Variants in RELCH observed in about 807,000 individuals in gnomAD.
RELCH encodes RAB11-binding protein RELCH.
In RELCH, 41 loss-of-function variants were observed where a neutral mutation model predicts 150.3. That is an observed-to-expected ratio of 0.27 (90% CI 0.21 to 0.35). RELCH has a LOEUF of 0.35. Among genes scored for constraint, RELCH ranks in the 10% least tolerant of loss-of-function variants. The pLI, the probability that RELCH is intolerant of heterozygous loss-of-function variation, is 1.00. For synonymous variants in RELCH, 478 were observed against 531.8 expected (o/e 0.90, Z 1.39); for missense variants, 1,092 against 1,467.8 (o/e 0.74, Z 4.18).
chr18:62,295,318 GTT>G (rs201022051), intron 27 of RELCH, among the ~76,000 whole-genome samples: 24 of 127,432 alleles, frequency 1.9e-4, no homozygotes, highest in African/African-American at 6.7e-4. Context: ...AGCCTGGTGT[GTT>G]TTTTTTTTTT....
chr18:62,196,510 G>C (rs549440848), intron 1 of RELCH, among the ~76,000 whole-genome samples: 2 of 152,206 alleles, frequency 1.3e-5, no homozygotes, highest in Non-Finnish European at 2.9e-5. Flanking sequence ...GATTACAGGC[G>C]TGAGCCACTG....
At chr18:62,226,194 T>C (rs1386505739) in intron 5 of RELCH, among the ~76,000 whole-genome samples, 1 of 152,060 alleles carries the variant, frequency 6.6e-6, no homozygotes, top group Non-Finnish European at 1.5e-5. Flanking sequence ...AATTATGATA[T>C]ATTAAAGGAA....
At chr18:62,217,163 G>A (rs1407526592) in intron 2 of RELCH, among the ~76,000 whole-genome samples, 1 of 151,946 alleles carries the variant, frequency 6.6e-6, no homozygotes, top group African/African-American at 2.4e-5. Flanking sequence ...GCTGGAGAAG[G>A]AGGGTTTTAT....
At chr18:62,231,409 A>G in intron 9 of RELCH, 140 bp downstream of exon 9, 1 of 520,982 alleles carries the variant, frequency 1.9e-6, no homozygotes. Context: ...ATGCTCTAAG[A>G]TATAGTTCCT....
intron 8 of RELCH, among the ~76,000 whole-genome samples, chr18:62,229,485 G>GGTGTGTGTGTGTGTGTGT (rs58842870): frequency 9.3e-4 from 133 of 143,418 alleles, no homozygotes; most frequent in African/African-American, 3.3e-3. Flanking sequence ...GTATAGTAGG[G>GGTGTGTGTGTGTGTGTGT]GTGTGTGTGT....
Position 62,252,695 on chromosome 18 carries a change from G to A in RELCH, c.1765G>A (p.Ala589Thr), listed in dbSNP as rs1382949475. ...QMILTGCVAF[A>T]RHVGPTRVEA... is the part of the protein sequence containing the mutation. The stretch of plus-strand genomic sequence containing the variant: ...GATACTGACAGGTTGTGTGGCATTT[G>A]CGCGTCATGTTGGACCAACACGTGT... Residue 589 changes from alanine (A) to threonine (T), a missense_variant, in exon 12 of 29, where the codon GCG (alanine) becomes ACG (threonine). Around this residue, in one of 4 missense-constraint regions of RELCH, gnomAD observed 707 missense variants for 1,025.4 expected, o/e 0.69. Transcript: ENST00000644646. The A allele has an allele frequency of 6.2e-7, 1 of 1,613,908 alleles. No individual in the cohort carries two copies. Among genetic ancestry groups the A allele is most frequent in the Non-Finnish European group, 8.5e-7 (1 of 1,179,914 alleles).
intron 11 of RELCH, among the ~76,000 whole-genome samples, chr18:62,249,247 T>C (rs2042578397): frequency 6.6e-6 from 1 of 152,166 alleles, no homozygotes; most frequent in Non-Finnish European, 1.5e-5. Flanking sequence ...TATTTTAAAA[T>C]ACAAAGAACC....
intron 12 of RELCH, 59 bp downstream of exon 12, chr18:62,252,813 C>T (rs1294220311): frequency 3.9e-6 from 5 of 1,267,908 alleles, no homozygotes; most frequent in Non-Finnish European, 5.7e-6. Context: ...TAAGAAGATA[C>T]ATAGTTTCCT....
intron 12 of RELCH, among the ~76,000 whole-genome samples, chr18:62,255,055 G>T (rs1020565338): frequency 6.6e-6 from 1 of 152,114 alleles, no homozygotes; most frequent in African/African-American, 2.4e-5. Flanking sequence ...TCCAGAAGCT[G>T]AGTTTTCCAA....
At chr18:62,298,757 CTG>C (rs755747827) in intron 27 of RELCH, 31 bp from the exon 28 acceptor site, 82 of 999,674 alleles carry the variant, frequency 8.2e-5, no homozygotes, top group Non-Finnish European at 1.2e-4. Flanking sequence ...ACTATGTAAA[CTG>C]TATTTCACTA....
intron 5 of RELCH, among the ~76,000 whole-genome samples, chr18:62,222,421 G>A (rs1194011535): frequency 2.0e-5 from 3 of 151,606 alleles, no homozygotes; most frequent in Admixed American, 6.6e-5. Context: ...TTAAATGATC[G>A]ACTAAACAGT....
At chr18:62,266,214 T>C (rs956425523) in intron 18 of RELCH, among the ~76,000 whole-genome samples, 2 of 151,928 alleles carry the variant, frequency 1.3e-5, no homozygotes, top group African/African-American at 4.8e-5. Flanking sequence ...TTTGAAAAGT[T>C]GTAATAAAAG....
intron 11 of RELCH, among the ~76,000 whole-genome samples, chr18:62,249,271 A>T (rs1257627823): frequency 6.6e-6 from 1 of 152,202 alleles, no homozygotes; most frequent in Non-Finnish European, 1.5e-5. Context: ...CAACTAGGAG[A>T]ATACAAACAC....
chr18:62,280,932 T>C (rs1297016171), intron 24 of RELCH, among the ~76,000 whole-genome samples: 2 of 152,204 alleles, frequency 1.3e-5, no homozygotes, highest in African/African-American at 2.4e-5. Context: ...ACATTAAGTA[T>C]AGGCCAAGCT....
At chr18:62,204,965 T>G (rs547098796) in intron 1 of RELCH, among the ~76,000 whole-genome samples, 3 of 152,234 alleles carry the variant, frequency 2.0e-5, no homozygotes, top group Non-Finnish European at 4.4e-5. Flanking sequence ...CAAGTTTTAT[T>G]TCTTTAACTT....
intron 8 of RELCH, among the ~76,000 whole-genome samples, 164 bp downstream of exon 8, chr18:62,228,762 A>G (rs2041372463): frequency 6.6e-6 from 1 of 152,086 alleles, no homozygotes; most frequent in African/African-American, 2.4e-5. Flanking sequence ...GTCACAAAAA[A>G]GTCACAAAAT....
intron 14 of RELCH, 144 bp downstream of exon 14, chr18:62,258,232 G>A: frequency 1.3e-6 from 1 of 796,788 alleles, no homozygotes. Flanking sequence ...TGGCTGCCTG[G>A]TTTCAATTTT....
chr18:62,286,808 G>C (rs2044825497), intron 25 of RELCH, among the ~76,000 whole-genome samples: 1 of 152,112 alleles, frequency 6.6e-6, no homozygotes, highest in African/African-American at 2.4e-5. Flanking sequence ...CTCTTTGAGG[G>C]TATTAAACTC....
chr18:62,239,572 C>CT (rs1235135324), intron 10 of RELCH, among the ~76,000 whole-genome samples: 2 of 151,724 alleles, frequency 1.3e-5, no homozygotes, highest in Non-Finnish European at 2.9e-5. Flanking sequence ...AAAATTTTGG[C>CT]TTTTTTTGAA....
Sources: allele counts gnomAD v4.1 joint callset (sites outside exome capture counted in the v4.1 genomes callset), GRCh38; gene constraint gnomAD v4.1.1; regional missense constraint gnomAD v4.1.1; transcripts MANE v1.5; gene names NCBI Gene and HGNC (gene_info 2026-07-23, HGNC 2026-07-21).